Variants in LDAH observed in about 807,000 individuals in gnomAD.
LDAH encodes lipid droplet associated hydrolase.
Under a neutral mutation model 29.6 loss-of-function variants are expected in LDAH, and 26 were observed. That is an observed-to-expected ratio of 0.88 (90% CI 0.64 to 1.22). LDAH has a LOEUF of 1.22. LDAH is among the 50% of genes most tolerant of loss of function. The pLI, the probability that LDAH is intolerant of heterozygous loss-of-function variation, is 0.00. For synonymous variants in LDAH, 117 were observed against 133.0 expected (o/e 0.88, Z 0.83); for missense variants, 344 against 387.3 (o/e 0.89, Z 0.94).
In LDAH at chr2:20,684,656, A is replaced by C. The variant is rs1200878002; in HGVS notation, c.*2247T>G. On this transcript the variant is annotated 3_prime_UTR_variant, in exon 7 of 7. Transcript: ENST00000237822. ...GAGGCCCTTGGTGGCCATGGACATC[A>C]GGCCACACAAGCCACAGAGGGCTTG... 4 of 424,098 alleles carry C rather than the reference A, an allele frequency of 9.4e-6. No individual in the cohort carries two copies. The highest frequency in any genetic ancestry group is 1.7e-5 in the Non-Finnish European group (4 of 241,112). The allele number at this position is 424,098 out of a possible 1,614,324, so 26.3% of individuals were successfully genotyped here. A position where few individuals can be genotyped will look rare whatever the true frequency, so the allele number is the denominator to read the frequency against.
intron 6 of LDAH, among the ~76,000 whole-genome samples, chr2:20,695,788 T>C (rs762757484): frequency 8.5e-5 from 13 of 152,344 alleles, no homozygotes; most frequent in African/African-American, 1.2e-4. Context: ...GTATGAATTA[T>C]AGCATATTTT....
intron 5 of LDAH, among the ~76,000 whole-genome samples, chr2:20,723,339 G>C (rs2149402830): frequency 6.6e-6 from 1 of 152,210 alleles, no homozygotes. Context: ...GAAGCATAAG[G>C]GGGTCTTCTG....
intron 3 of LDAH, among the ~76,000 whole-genome samples, chr2:20,789,730 G>A (rs1338880385): frequency 2.6e-5 from 4 of 152,200 alleles, no homozygotes; most frequent in African/African-American, 7.2e-5. Context: ...GGGCGAGTGA[G>A]CATTACCGCC....
At chr2:20,778,754 A>G (rs1669982664) in intron 3 of LDAH, among the ~76,000 whole-genome samples, 1 of 152,176 alleles carries the variant, frequency 6.6e-6, no homozygotes, top group African/African-American at 2.4e-5. Flanking sequence ...TAGAAGGGTA[A>G]CGGCCCTTTG....
At chr2:20,688,988 T>C (rs1031830684) in intron 6 of LDAH, among the ~76,000 whole-genome samples, 1 of 151,548 alleles carries the variant, frequency 6.6e-6, no homozygotes. Flanking sequence ...ATCCCTCCCC[T>C]ACCCCCCATC....
At chr2:20,747,243 C>T (rs1667631920) in intron 4 of LDAH, among the ~76,000 whole-genome samples, 1 of 151,980 alleles carries the variant, frequency 6.6e-6, no homozygotes, top group African/African-American at 2.4e-5. Flanking sequence ...GCAATGGTGC[C>T]TATGTGTTAT....
At chr2:20,816,560 T>C (rs907458156) in intron 1 of LDAH, among the ~76,000 whole-genome samples, 3 of 152,078 alleles carry the variant, frequency 2.0e-5, no homozygotes, top group Non-Finnish European at 2.9e-5. Flanking sequence ...ACATCTTAAA[T>C]GTATATGCAC....
At chr2:20,769,798 T>G (rs969292422) in intron 4 of LDAH, among the ~76,000 whole-genome samples, 3 of 152,140 alleles carry the variant, frequency 2.0e-5, no homozygotes, top group Non-Finnish European at 2.9e-5. Context: ...TTTAATGCTG[T>G]CAATTTTACT....
At chr2:20,699,054 T>C (rs1572419846) in intron 6 of LDAH, among the ~76,000 whole-genome samples, 1 of 152,232 alleles carries the variant, frequency 6.6e-6, no homozygotes, top group Non-Finnish European at 1.5e-5. Context: ...AGAAAGCTTA[T>C]TTTTAGACTA....
At chr2:20,790,820 C>A (rs1026665664) in intron 2 of LDAH, among the ~76,000 whole-genome samples, 2 of 152,098 alleles carry the variant, frequency 1.3e-5, no homozygotes, top group African/African-American at 4.8e-5. Flanking sequence ...TTTGGGGAAA[C>A]AAACGTCTAC....
chr2:20,693,740 G>T (rs1233749549), intron 6 of LDAH, among the ~76,000 whole-genome samples: 1 of 152,240 alleles, frequency 6.6e-6, no homozygotes, highest in Non-Finnish European at 1.5e-5. Flanking sequence ...TTTCTTCCTG[G>T]TGAGCTCACA....
chr2:20,715,216 C>T (rs1168057437), intron 5 of LDAH, among the ~76,000 whole-genome samples: 1 of 152,214 alleles, frequency 6.6e-6, no homozygotes, highest in Non-Finnish European at 1.5e-5. Flanking sequence ...GGACGCAAGG[C>T]TGTTTCAACA....
intron 4 of LDAH, among the ~76,000 whole-genome samples, chr2:20,769,818 A>G (rs924765791): frequency 1.3e-5 from 2 of 152,126 alleles, no homozygotes; most frequent in Admixed American, 1.3e-4. Flanking sequence ...TCCTTTATCT[A>G]TTTAGGACCT....
chr2:20,754,724 C>T (rs1219498597), intron 4 of LDAH, among the ~76,000 whole-genome samples: 1 of 151,958 alleles, frequency 6.6e-6, no homozygotes, highest in Non-Finnish European at 1.5e-5. Flanking sequence ...CAAAAGGAAA[C>T]ATGAGACAAA....
intron 3 of LDAH, among the ~76,000 whole-genome samples, chr2:20,779,698 A>T (rs1239307915): frequency 6.6e-6 from 1 of 152,152 alleles, no homozygotes; most frequent in Non-Finnish European, 1.5e-5. Flanking sequence ...AAAAATATTT[A>T]TGTAAATATG....
intron 4 of LDAH, among the ~76,000 whole-genome samples, chr2:20,758,913 C>T (rs554258364): frequency 5.9e-5 from 9 of 152,164 alleles, no homozygotes; most frequent in Non-Finnish European, 1.0e-4. Context: ...TTAAGGAGAA[C>T]CCTCCTGGTA....
intron 5 of LDAH, among the ~76,000 whole-genome samples, chr2:20,723,222 C>T (rs1665783430): frequency 6.6e-6 from 1 of 152,110 alleles, no homozygotes; most frequent in African/African-American, 2.4e-5. Flanking sequence ...AAGTCAGACA[C>T]AAACAAGTAT....
intron 6 of LDAH, among the ~76,000 whole-genome samples, chr2:20,693,563 C>T (rs967348094): frequency 1.1e-4 from 16 of 152,184 alleles, no homozygotes; most frequent in African/African-American, 3.9e-4. Context: ...TATCCTCAAG[C>T]CGCCACTAAC....
chr2:20,712,818 T>C (rs1300447297), intron 5 of LDAH, among the ~76,000 whole-genome samples: 4 of 151,240 alleles, frequency 2.6e-5, no homozygotes, highest in Non-Finnish European at 4.4e-5. Flanking sequence ...TGAAATAAAG[T>C]GAGAAGAGAA....
Sources: allele counts gnomAD v4.1 joint callset (sites outside exome capture counted in the v4.1 genomes callset), GRCh38; gene constraint gnomAD v4.1.1; transcripts MANE v1.5; gene names NCBI Gene and HGNC (gene_info 2026-07-23, HGNC 2026-07-21).